Variants in CUX2 observed in about 807,000 individuals in gnomAD.
CUX2 encodes homeobox protein cut-like 2.
In CUX2, 40 loss-of-function variants were observed where a neutral mutation model predicts 144.8. The observed-to-expected ratio is 0.28, with a 90% CI of 0.21 to 0.36. The LOEUF (loss-of-function observed/expected upper bound fraction) is 0.36, where lower values mean the gene tolerates loss of function less well. Among genes scored for constraint, CUX2 ranks in the 10% least tolerant of loss-of-function variants. CUX2 has a pLI of 1.00. For missense variants in CUX2, 1,615 were observed against 1,994.0 expected (o/e 0.81, Z 3.62); for synonymous variants, 827 against 875.6 (o/e 0.94, Z 0.98).
intron 6 of CUX2, among the ~76,000 whole-genome samples, chr12:111,294,083 C>T (rs1401909945): frequency 3.3e-5 from 5 of 152,180 alleles, no homozygotes; most frequent in Non-Finnish European, 5.9e-5. Flanking sequence ...CCTGTAATCC[C>T]GACACTTTGG....
intron 1 of CUX2, among the ~76,000 whole-genome samples, chr12:111,132,120 A>T (rs1250891529): frequency 1.3e-5 from 2 of 152,156 alleles, no homozygotes; most frequent in Non-Finnish European, 2.9e-5. Context: ...TGAAATCTCG[A>T]TGGAAGTTCC....
At chr12:111,075,917 C>A (rs1871514971) in intron 1 of CUX2, among the ~76,000 whole-genome samples, 1 of 152,262 alleles carries the variant, frequency 6.6e-6, no homozygotes, top group African/African-American at 2.4e-5. Context: ...TAATAACCAG[C>A]CTTCAGTAAG....
At chr12:111,196,988 A>G (rs1880280623) in intron 1 of CUX2, among the ~76,000 whole-genome samples, 1 of 152,102 alleles carries the variant, frequency 6.6e-6, no homozygotes, top group Non-Finnish European at 1.5e-5. Context: ...TTGTGTCTAG[A>G]TGGTGCTCAG....
intron 9 of CUX2, among the ~76,000 whole-genome samples, chr12:111,302,625 G>A (rs1335362390): frequency 6.6e-6 from 1 of 152,074 alleles, no homozygotes; most frequent in East Asian, 1.9e-4. Flanking sequence ...CCAGCTGGGT[G>A]TGGTGGCTCA....
intron 3 of CUX2, among the ~76,000 whole-genome samples, chr12:111,252,589 G>A (rs1006732371): frequency 6.6e-6 from 1 of 152,092 alleles, no homozygotes; most frequent in Non-Finnish European, 1.5e-5. Context: ...GGGAAGCCTC[G>A]GGGTTTTAGG....
chr12:111,337,740 A>C (rs1158181568), intron 19 of CUX2, among the ~76,000 whole-genome samples: 3 of 152,226 alleles, frequency 2.0e-5, no homozygotes, highest in Non-Finnish European at 4.4e-5. Context: ...TCTTAAATTA[A>C]AAAAGCACTT....
In CUX2 at chr12:111,347,726, C is replaced by T. The variant is rs771110231; in HGVS notation, c.3862C>T (p.Leu1288=). 6.2e-7 allele frequency: 1 copy of T among 1,614,028 alleles called. No homozygotes were observed. Among genetic ancestry groups the T allele is most frequent in the Admixed American group, 1.7e-5 (1 of 60,000 alleles). Residue 1288 remains leucine (L), a synonymous_variant, in exon 22 of 22, where the codon CTG becomes TTG. Coordinates refer to ENST00000261726, the MANE Select transcript of CUX2 (RefSeq NM_015267.4). ...GGGCCCTGAGGAGAACAGCACACCC[C>T]TGACCACCCAGGACAAGGCCCAAGT... The part of the protein sequence containing the change: ...QEGPEENSTP[L]TTQDKAQVRI...
At chr12:111,184,541 A>G (rs967198463) in intron 1 of CUX2, among the ~76,000 whole-genome samples, 3 of 146,990 alleles carry the variant, frequency 2.0e-5, no homozygotes, top group Non-Finnish European at 4.5e-5. Context: ...GCACACTGTC[A>G]GCCTAGGCAA....
chr12:111,173,735 G>A (rs1177232147), intron 1 of CUX2, among the ~76,000 whole-genome samples: 1 of 152,132 alleles, frequency 6.6e-6, no homozygotes, highest in Non-Finnish European at 1.5e-5. Context: ...TTTCAGACTT[G>A]AGCATGCATT....
intron 1 of CUX2, among the ~76,000 whole-genome samples, chr12:111,099,278 T>C (rs1314621123): frequency 6.6e-6 from 1 of 152,174 alleles, no homozygotes; most frequent in Non-Finnish European, 1.5e-5. Context: ...TGCAAATCAC[T>C]GTTCAGAGTG....
At chr12:111,231,495 C>A (rs562857001) in intron 3 of CUX2, among the ~76,000 whole-genome samples, 44 of 152,226 alleles carry the variant, frequency 2.9e-4, no homozygotes, top group African/African-American at 1.0e-3. Context: ...GCAGGCTGAC[C>A]CCAGTAAACT....
chr12:111,154,809 A>G (rs1877274119), intron 1 of CUX2, among the ~76,000 whole-genome samples: 1 of 152,170 alleles, frequency 6.6e-6, no homozygotes, highest in African/African-American at 2.4e-5. Flanking sequence ...GTCTCCATGA[A>G]AAAGCAGGGA....
At chr12:111,212,399 C>T (rs1331806801) in intron 1 of CUX2, among the ~76,000 whole-genome samples, 1 of 152,144 alleles carries the variant, frequency 6.6e-6, no homozygotes, top group Non-Finnish European at 1.5e-5. Flanking sequence ...CGCTCCCCCA[C>T]CAAAATAGAG....
At chr12:111,046,287 A>C (rs1275010517) in intron 1 of CUX2, among the ~76,000 whole-genome samples, 2 of 152,264 alleles carry the variant, frequency 1.3e-5, no homozygotes, top group African/African-American at 4.8e-5. Flanking sequence ...CGGAGAGACC[A>C]GTGCAGGCCT....
At chr12:111,272,758 C>A (rs755333917) in intron 4 of CUX2, among the ~76,000 whole-genome samples, 6 of 152,216 alleles carry the variant, frequency 3.9e-5, no homozygotes, top group Non-Finnish European at 5.9e-5. Context: ...GCCACCACAC[C>A]CAGGTGACAG....
At chr12:111,204,133 G>A (rs1437639100) in intron 1 of CUX2, among the ~76,000 whole-genome samples, 1 of 152,200 alleles carries the variant, frequency 6.6e-6, no homozygotes, top group Non-Finnish European at 1.5e-5. Flanking sequence ...AGCAGTGAGA[G>A]TCCTAGATAC....
rs7963324 is a variant in CUX2 at position 111,039,973 on chromosome 12, T to C, written c.63+5733T>C. Among the ~76,000 whole-genome samples, 296 of 152,292 alleles carry C rather than the reference T, an allele frequency of 1.9e-3. 1 individual carries two copies. The highest frequency in any genetic ancestry group is 6.6e-3 in the African/African-American group (274 of 41,538). ...CTTCACCAAAATGGCTTGTAGTGTTTTGGAGGATGTAGACATTATATTCCT... is the reference window on the plus strand; with the variant it reads ...CTTCACCAAAATGGCTTGTAGTGTTCTGGAGGATGTAGACATTATATTCCT... On this transcript the variant is annotated intron_variant, in intron 1 of 21. Transcript: ENST00000261726. The surrounding 1 kb of genome is among the most constrained non-coding windows in gnomAD (Gnocchi z 4.2).
chr12:111,134,110 T>G (rs941158006), intron 1 of CUX2, among the ~76,000 whole-genome samples: 1 of 152,240 alleles, frequency 6.6e-6, no homozygotes, highest in Admixed American at 6.5e-5. Flanking sequence ...CCTCAGGGCA[T>G]GCATGGAAGC....
At position 111,307,139 on chromosome 12, in the gene CUX2, G is replaced by A. The variant is rs1411086557; in HGVS notation, c.1050+27G>A. ...TGGGTCCTGGGGAGGAGGCAGGCGGGCAGGCGGCCCCATGCAGAAGCACAC... is the reference window on the plus strand; with the variant it reads ...TGGGTCCTGGGGAGGAGGCAGGCGGACAGGCGGCCCCATGCAGAAGCACAC... On this transcript the variant is annotated intron_variant, in intron 11 of 21. Coordinates refer to ENST00000261726, the MANE Select transcript of CUX2 (RefSeq NM_015267.4). The surrounding 1 kb of genome is among the most constrained non-coding windows in gnomAD (Gnocchi z 4.1). 4 of 1,613,416 alleles carry A rather than the reference G, an allele frequency of 2.5e-6. No individual in the cohort carries two copies. The African/African-American group carries it at 5.3e-5, about 22-fold the overall frequency.
Sources: gnomAD v4.1 joint callset for allele counts (sites outside exome capture counted in the v4.1 genomes callset) on GRCh38, gnomAD v4.1.1 for gene constraint, Gnocchi (gnomAD v3.1) non-coding constraint, MANE v1.5 for transcripts, NCBI Gene and HGNC (gene_info 2026-07-23, HGNC 2026-07-21) for gene names.